BARD1: variants seen among roughly 807,000 people sequenced by gnomAD.
BARD1 encodes BRCA1 associated RING domain 1.
Under a neutral mutation model 77.0 loss-of-function variants are expected in BARD1, and 73 were observed. The observed-to-expected ratio is 0.95, with a 90% CI of 0.79 to 1.15. The LOEUF is 1.15. BARD1 is among the 50% of genes most tolerant of loss of function. The pLI is 0.00. For missense variants in BARD1, 993 were observed against 938.8 expected, an observed-to-expected ratio of 1.06 and a Z score of -0.75; for synonymous variants, 384 against 338.0, an observed-to-expected ratio of 1.14 and a Z score of -1.49.
intron 4 of BARD1, among the ~76,000 whole-genome samples, chr2:214,779,588 A>G (rs183590819): frequency 4.6e-5 from 7 of 152,198 alleles, no homozygotes. Context: ...CTTTCTCCAC[A>G]CAGAAATACA....
intron 6 of BARD1, among the ~76,000 whole-genome samples, chr2:214,761,289 GAAAAA>G (rs11340372): frequency 7.6e-6 from 1 of 131,270 alleles, no homozygotes; most frequent in Non-Finnish European, 1.7e-5. Context: ...AAGGTAAAAA[GAAAAA>G]AAAAAAAAGC....
chr2:214,784,123 G>C (rs1695163649), intron 3 of BARD1, among the ~76,000 whole-genome samples: 2 of 152,082 alleles, frequency 1.3e-5, no homozygotes, highest in Non-Finnish European at 2.9e-5. Flanking sequence ...AAAAATTTTT[G>C]CAATCTATAC....
intron 10 of BARD1, among the ~76,000 whole-genome samples, chr2:214,730,026 ATATACT>A (rs1692280186): frequency 2.0e-5 from 3 of 152,196 alleles, no homozygotes; most frequent in African/African-American, 4.8e-5. Flanking sequence ...GTGACTTCTA[ATATACT>A]TATATAATAT....
intron 7 of BARD1, among the ~76,000 whole-genome samples, chr2:214,749,674 A>C (rs1022824957): frequency 6.6e-6 from 1 of 152,196 alleles, no homozygotes; most frequent in African/African-American, 2.4e-5. Flanking sequence ...CAAATGAAGA[A>C]AACAAGTCAA....
chr2:214,799,796 G>A (rs1022103205), intron 1 of BARD1, among the ~76,000 whole-genome samples: 2 of 152,012 alleles, frequency 1.3e-5, no homozygotes, highest in African/African-American at 4.8e-5. Flanking sequence ...TCTTAAATGA[G>A]TGCTCCATAC....
chr2:214,806,278 AGGGTAATCG>A (rs1696265333), intron 1 of BARD1, among the ~76,000 whole-genome samples: 1 of 152,192 alleles, frequency 6.6e-6, no homozygotes, highest in Non-Finnish European at 1.5e-5. Context: ...GCTGAATGTG[AGGGTAATCG>A]GGGTAATCAC....
chr2:214,749,035 T>G (rs145071748), intron 7 of BARD1, among the ~76,000 whole-genome samples: 1 of 152,184 alleles, frequency 6.6e-6, no homozygotes, highest in Non-Finnish European at 1.5e-5. Flanking sequence ...AGAAATAGTA[T>G]GGTACAACAC....
chr2:214,774,067 T>A (rs897785854), intron 4 of BARD1, among the ~76,000 whole-genome samples: 13 of 152,238 alleles, frequency 8.5e-5, no homozygotes, highest in African/African-American at 3.1e-4. Flanking sequence ...GCCTCATCCA[T>A]TGAAGTTTGA....
At chr2:214,801,851 G>GC (rs200451413) in intron 1 of BARD1, among the ~76,000 whole-genome samples, 3 of 88,220 alleles carry the variant, frequency 3.4e-5, no homozygotes, top group African/African-American at 5.6e-5. Context: ...ATATTTGGCG[G>GC]GGGGGGGGGT....
At chr2:214,753,506 A>G (rs1262953020) in intron 6 of BARD1, among the ~76,000 whole-genome samples, 2 of 152,182 alleles carry the variant, frequency 1.3e-5, no homozygotes, top group African/African-American at 4.8e-5. Flanking sequence ...AATCCAATGC[A>G]GTAAATGGGA....
intron 9 of BARD1, among the ~76,000 whole-genome samples, chr2:214,740,764 G>A (rs6709845): frequency 6.6e-6 from 1 of 151,792 alleles, no homozygotes; most frequent in African/African-American, 2.4e-5. Flanking sequence ...TCTTTCATCT[G>A]TATTTCTTGC....
At chr2:214,735,910 G>GAC (rs950985607) in intron 9 of BARD1, among the ~76,000 whole-genome samples, 31 of 152,032 alleles carry the variant, frequency 2.0e-4, no homozygotes, top group African/African-American at 7.5e-4. Flanking sequence ...TCACACTCAG[G>GAC]ACGTCTATGA....
intron 4 of BARD1, among the ~76,000 whole-genome samples, chr2:214,779,472 T>C (rs1452556400): frequency 2.0e-5 from 3 of 152,186 alleles, no homozygotes; most frequent in East Asian, 1.9e-4. Context: ...CCCATAAACA[T>C]AGAATGCACA....
Position 214,767,977 on chromosome 2 carries a change from A to T in BARD1, c.1396-323T>A, listed in dbSNP as rs1297380863. On this transcript the variant is annotated intron_variant, in intron 5 of 10. Transcript: ENST00000260947. ...TGTTCTACAATAAATGTAACACATTAAGAAAAAAGTCTACATATTTAATAA... is the reference window on the plus strand; with the variant it reads ...TGTTCTACAATAAATGTAACACATTTAGAAAAAAGTCTACATATTTAATAA... Among the ~76,000 whole-genome samples, 5 of 104,220 alleles carry T rather than the reference A, an allele frequency of 4.8e-5. No individual in the cohort carries two copies. The South Asian group carries it at 1.3e-3, about 26-fold the overall frequency. 68.4% of individuals were successfully genotyped at this position (104,220 alleles called of 152,430 possible). A position where few individuals can be genotyped will look rare whatever the true frequency, so the allele number is the denominator to read the frequency against.
intron 6 of BARD1, among the ~76,000 whole-genome samples, chr2:214,758,093 C>G (rs1209038469): frequency 6.6e-6 from 1 of 152,046 alleles, no homozygotes; most frequent in Non-Finnish European, 1.5e-5. Context: ...CAATAAGAAA[C>G]CCTGAACAGC....
intron 2 of BARD1, among the ~76,000 whole-genome samples, chr2:214,795,233 T>TA (rs1215938656): frequency 6.6e-6 from 1 of 152,006 alleles, no homozygotes; most frequent in Non-Finnish European, 1.5e-5. Context: ...ATATAACTGG[T>TA]AAAAAGTAAG....
intron 7 of BARD1, among the ~76,000 whole-genome samples, chr2:214,746,642 C>T (rs1466049551): frequency 6.6e-6 from 1 of 152,132 alleles, no homozygotes; most frequent in Non-Finnish European, 1.5e-5. Context: ...GAATTCAGCA[C>T]TTAAAAGTTC....
chr2:214,800,973 A>G (rs183554366), intron 1 of BARD1, among the ~76,000 whole-genome samples: 74 of 151,634 alleles, frequency 4.9e-4, no homozygotes, highest in Non-Finnish European at 8.8e-4. Flanking sequence ...TCTAAAATGG[A>G]AAAAAAAATA....
intron 9 of BARD1, among the ~76,000 whole-genome samples, chr2:214,744,140 C>G (rs1326388580): frequency 6.6e-6 from 1 of 151,996 alleles, no homozygotes; most frequent in Non-Finnish European, 1.5e-5. Context: ...TTTTAAGTCC[C>G]AAGAGAATCC....
Sources: gnomAD v4.1 joint callset for allele counts (sites outside exome capture counted in the v4.1 genomes callset) on GRCh38, gnomAD v4.1.1 for gene constraint, MANE v1.5 for transcripts, NCBI Gene and HGNC (gene_info 2026-07-23, HGNC 2026-07-21) for gene names.